Variants in CAPN10 observed in about 807,000 individuals in gnomAD.
The protein encoded by CAPN10 is calpain 10, also known as calpain-10.
In CAPN10, 71 loss-of-function variants were observed where a neutral mutation model predicts 78.4. The ratio of observed to expected loss-of-function variants is 0.91; its 90% CI spans 0.75 to 1.10. The LOEUF (loss-of-function observed/expected upper bound fraction) is 1.10, where lower values mean the gene tolerates loss of function less well. Ranked by LOEUF, CAPN10 falls within the 50% of genes least tolerant of loss-of-function variation. CAPN10 has a pLI of 0.00. For missense variants in CAPN10, 849 were observed against 924.6 expected (o/e 0.92, Z 1.06); for synonymous variants, 437 against 407.2 (o/e 1.07, Z -0.88).
chr2:240,589,300 A>T (rs970430968), intron 1 of CAPN10, 43 bp from the exon 2 acceptor site: 5 of 1,613,852 alleles, frequency 3.1e-6, no homozygotes, highest in Non-Finnish European at 4.2e-6. Flanking sequence ...GAAGGGTTCC[A>T]CAGCAGGCAT....
At chr2:240,588,722 G>C (rs2093083214) in intron 1 of CAPN10, among the ~76,000 whole-genome samples, 1 of 152,190 alleles carries the variant, frequency 6.6e-6, no homozygotes, top group African/African-American at 2.4e-5. Flanking sequence ...GCTCTTTCAA[G>C]AGCTGTAATG....
intron 5 of CAPN10, chr2:240,594,317 G>A (rs536710012): frequency 3.1e-5 from 19 of 620,664 alleles, no homozygotes; most frequent in East Asian, 5.4e-5. Context: ...ATCCAGAGGC[G>A]TGAAGTTCCT....
In CAPN10 at chr2:240,586,802, G is replaced by A. The variant is rs868098518; in HGVS notation, c.-110G>A. 2.3e-5 allele frequency: 26 copies of A among 1,130,284 alleles called. No homozygotes were observed. The African/African-American group carries it at 3.3e-4, about 14-fold the overall frequency. The allele number at this position is 1,130,284 out of a possible 1,614,324, so 70.0% of individuals were successfully genotyped here. A position where few individuals can be genotyped will look rare whatever the true frequency, so the allele number is the denominator to read the frequency against. ...GCCCTCGGGCTTGGAGGGCTGGGCC[G>A]GGCGGGGAACGGGCGGGGCGGGCCG... On this transcript the variant is annotated 5_prime_UTR_variant, in exon 1 of 12. Transcript: ENST00000391984.
In CAPN10 at chr2:240,596,759, G is replaced by C; in HGVS notation, c.1560G>C (p.Arg520=). ...PAGEWGTVQL[R]GSWRVGQTAG... ...GGGAGTGGGGGACCGTGCAGCTACG[G>C]GGTTCTTGGAGAGTCGGCCAGACGG... The change falls in exon 9 of 12, where the codon CGG becomes CGC. Residue 520 remains arginine (R), a synonymous_variant. Coordinates refer to ENST00000391984, the MANE Select transcript of CAPN10 (RefSeq NM_023083.4). 1 of 1,610,544 alleles carries C rather than the reference G, an allele frequency of 6.2e-7. No individual in the cohort carries two copies. The highest frequency in any genetic ancestry group is 8.5e-7 in the Non-Finnish European group (1 of 1,178,398).
rs2093102437 is a variant in CAPN10 at position 240,591,618 on chromosome 2, G to A, written c.471-315G>A. ...GGGCTGTTTTAGGAAAAGCAGGGTT[G>A]GAGCTTGAGAGCCAAGGGATGTGGG... On this transcript the variant is annotated intron_variant, in intron 3 of 11. Coordinates refer to ENST00000391984, the MANE Select transcript of CAPN10 (RefSeq NM_023083.4). 1.4e-5 allele frequency: 6 copies of A among 416,234 alleles called. No individual in the cohort carries two copies. In the East Asian group the frequency reaches 2.4e-4, roughly 17 times the overall value. The allele number at this position is 416,234 out of a possible 1,614,324, so 25.8% of individuals were successfully genotyped here. A position where few individuals can be genotyped will look rare whatever the true frequency, so the allele number is the denominator to read the frequency against.
At chr2:240,598,442 C>G in intron 11 of CAPN10, 45 bp downstream of exon 11, 1 of 1,606,218 alleles carries the variant, frequency 6.2e-7, no homozygotes, top group Non-Finnish European at 8.5e-7. Context: ...CCTGGGGCTG[C>G]CTGGTGGCCT....
intron 6 of CAPN10, 32 bp downstream of exon 6, chr2:240,594,741 G>T (rs1460513774): frequency 1.9e-6 from 3 of 1,594,510 alleles, no homozygotes; most frequent in Admixed American, 1.7e-5. Flanking sequence ...CTGGGCACGT[G>T]CTCTGCCTGC....
chr2:240,595,364 G>T, intron 7 of CAPN10, 60 bp downstream of exon 7: 15 of 1,565,016 alleles, frequency 9.6e-6, no homozygotes, highest in African/African-American at 9.4e-5. Context: ...GCCCATGGAG[G>T]TCTGGGTTCT....
chr2:240,599,038 C>G lies in CAPN10; in HGVS notation c.*358C>G, dbSNP rs1393990642. The G allele has an allele frequency of 2.7e-6, 1 of 371,892 alleles. No homozygotes were observed. Among genetic ancestry groups the G allele is most frequent in the Non-Finnish European group, 4.9e-6 (1 of 204,254 alleles). 23.0% of individuals were successfully genotyped at this position (371,892 alleles called of 1,614,324 possible). A position where few individuals can be genotyped will look rare whatever the true frequency, so the allele number is the denominator to read the frequency against. On this transcript the variant is annotated 3_prime_UTR_variant, in exon 12 of 12. Transcript: ENST00000391984. ...GTAGGGCAGCAGATCTTCTTTATAA[C>G]TATTTATTGTTCGAATCACTTTTAG...
At chr2:240,597,263 C>T (rs1438776220) in intron 9 of CAPN10, among the ~76,000 whole-genome samples, 4 of 152,062 alleles carry the variant, frequency 2.6e-5, no homozygotes, top group African/African-American at 4.8e-5. Flanking sequence ...TTGAGACCAG[C>T]GGGGGTGGGT....
intron 1 of CAPN10, among the ~76,000 whole-genome samples, 157 bp from the exon 2 acceptor site, chr2:240,589,186 C>T (rs1174527238): frequency 1.3e-5 from 2 of 152,180 alleles, no homozygotes; most frequent in Admixed American, 1.3e-4. Context: ...AGCTGAAGGA[C>T]ACCCGCTGCA....
At position 240,590,886 on chromosome 2, in the gene CAPN10, G is replaced by C. The variant is rs1026537146; in HGVS notation, c.345G>C (p.Gln115His). Residue 115 changes from glutamine (Q) to histidine (H), a missense_variant, in exon 3 of 12, where the codon CAG becomes CAC. Physicochemically the swap from Gln to His is conservative, Grantham distance 24. Transcript: ENST00000391984. Reference protein sequence around the residue: ...YRGSFTCRIWQFGRWVEVTTD... With the variant: ...YRGSFTCRIWHFGRWVEVTTD... Reference sequence around the variant, plus strand: ...GCTCCTTCACCTGTCGCATTTGGCAGTTTGGACGCTGGGTGGAGGTGACCA... The same window carrying C: ...GCTCCTTCACCTGTCGCATTTGGCACTTTGGACGCTGGGTGGAGGTGACCA... 7 of 1,614,134 alleles carry C rather than the reference G, an allele frequency of 4.3e-6. No individual in the cohort carries two copies. Among genetic ancestry groups the C allele is most frequent in the Non-Finnish European group, 5.9e-6 (7 of 1,180,056 alleles).
At position 240,598,922 on chromosome 2, in the gene CAPN10, C is replaced by G; in HGVS notation, c.*242C>G. The G allele has an allele frequency of 1.7e-6, 1 of 578,190 alleles. No homozygotes were observed. The highest frequency in any genetic ancestry group is 2.8e-5 in the East Asian group (1 of 35,820). The allele number at this position is 578,190 out of a possible 1,614,324, so 35.8% of individuals were successfully genotyped here. The stretch of plus-strand genomic sequence containing the variant: ...AAGCTTGCTGGCTTCTGTTGCGCCA[C>G]TGAGACGGCAGAGACCCCAGGATCC... On this transcript the variant is annotated 3_prime_UTR_variant, in exon 12 of 12. Transcript: ENST00000391984.
intron 4 of CAPN10, chr2:240,592,362 C>G: frequency 1.5e-6 from 1 of 686,332 alleles, no homozygotes; most frequent in Non-Finnish European, 2.7e-6. Context: ...CTCCCCTGAC[C>G]AGTCCTTTCC....
chr2:240,587,060 C>A lies in CAPN10; in HGVS notation c.141+8C>A. ...ACGTGGAGGCGGCCCCAGGTGGGGCCGTGTGGGGTGCGGTGGGCGCCGTTT... is the reference window on the plus strand; with the variant it reads ...ACGTGGAGGCGGCCCCAGGTGGGGCAGTGTGGGGTGCGGTGGGCGCCGTTT... On this transcript the variant is annotated splice_region_variant and intron_variant, in intron 1 of 11. Transcript: ENST00000391984. The A allele has an allele frequency of 7.2e-7, 1 of 1,395,598 alleles. No homozygotes were observed. The allele number at this position is 1,395,598 out of a possible 1,614,324, so 86.5% of individuals were successfully genotyped here.
chr2:240,592,408 A>T (rs1046235525), intron 4 of CAPN10: 2 of 694,684 alleles, frequency 2.9e-6, no homozygotes, highest in African/African-American at 3.5e-5. Flanking sequence ...CACCGAGTCA[A>T]AGCCCACTGT....
Position 240,594,552 on chromosome 2 carries a change from G to T in CAPN10, c.840G>T (p.Gly280=). ...ATGAGGTTTCTTCCAGGGGTGAAGG[G>T]TGGAGCCAGGTAGATGCAGCGGTAG... The part of the protein sequence containing the change: ...WQGLWREGGE[G]WSQVDAAVAS... Residue 280 remains glycine, a synonymous_variant, in exon 6 of 12, where the codon GGG becomes GGT. Coordinates refer to ENST00000391984, the MANE Select transcript of CAPN10 (RefSeq NM_023083.4). 6.2e-7 allele frequency: 1 copy of T among 1,613,284 alleles called. No homozygotes were observed. The highest frequency in any genetic ancestry group is 8.5e-7 in the Non-Finnish European group (1 of 1,179,644).
At chr2:240,595,833 G>A in intron 7 of CAPN10, 1 of 778,616 alleles carries the variant, frequency 1.3e-6, no homozygotes, top group Non-Finnish European at 2.0e-6. Context: ...TTTCCAGGAA[G>A]AACAGATGGG....
At chr2:240,588,921 G>A (rs181467743) in intron 1 of CAPN10, among the ~76,000 whole-genome samples, 3 of 152,224 alleles carry the variant, frequency 2.0e-5, no homozygotes, top group Non-Finnish European at 4.4e-5. Flanking sequence ...AGGGCAGTGT[G>A]GATGTTTTGA....
Sources: allele counts gnomAD v4.1 joint callset (sites outside exome capture counted in the v4.1 genomes callset), GRCh38; gene constraint gnomAD v4.1.1; transcripts MANE v1.5; gene names NCBI Gene and HGNC (gene_info 2026-07-23, HGNC 2026-07-21).